The following THEM4 variants were observed in gnomAD, a reference collection of about 807,000 sequenced individuals.
THEM4 encodes acyl-coenzyme A thioesterase THEM4.
In THEM4, 22 loss-of-function variants were observed where a neutral mutation model predicts 25.0. That is an observed-to-expected ratio of 0.88 (90% CI 0.63 to 1.26). The LOEUF (loss-of-function observed/expected upper bound fraction) is 1.26, where lower values mean the gene tolerates loss of function less well. Among genes scored for constraint, THEM4 ranks in the 50% most tolerant of loss-of-function variants. The pLI, the probability that THEM4 is intolerant of heterozygous loss-of-function variation, is 0.00. For missense variants in THEM4, 286 were observed against 300.3 expected (o/e 0.95, Z 0.35); for synonymous variants, 113 against 105.6 (o/e 1.07, Z -0.43).
chr1:151,884,967 G>A (rs749817035), intron 4 of THEM4, among the ~76,000 whole-genome samples: 9 of 151,992 alleles, frequency 5.9e-5, no homozygotes, highest in East Asian at 3.9e-4. Context: ...GATTACAGGC[G>A]TGAGCCACCA....
chr1:151,888,894 G>GGA (rs1553300177), intron 3 of THEM4, among the ~76,000 whole-genome samples: 6 of 151,878 alleles, frequency 4.0e-5, no homozygotes, highest in African/African-American at 1.5e-4. Flanking sequence ...TGAAAAAAAA[G>GGA]AAAAAAATTT....
At chr1:151,894,932 G>A (rs1408919073) in intron 2 of THEM4, 76 bp downstream of exon 2, 1 of 1,439,566 alleles carries the variant, frequency 6.9e-7, no homozygotes. Context: ...TTTTCAGGTA[G>A]TAACTAGTAC....
rs200698202 is a variant in THEM4 at position 151,895,082 on chromosome 1, C to A, written c.212G>T (p.Gly71Val). ...ATATGAAGGCAAACGTTTCCAGGAGCCGTCTTCACATTTCTTCATAAACTG... is the reference window on the plus strand; with the variant it reads ...ATATGAAGGCAAACGTTTCCAGGAGACGTCTTCACATTTCTTCATAAACTG... ...FDQFMKKCEDGSWKRLPSYKR... is the reference protein window; with the variant it reads ...FDQFMKKCEDVSWKRLPSYKR... Residue 71 changes from glycine (G) to valine (V), a missense_variant, in exon 2 of 6, where the codon GGC (glycine) becomes GTC (valine). Transcript: ENST00000368814. 27 of 1,613,920 alleles carry A rather than the reference C, an allele frequency of 1.7e-5. No homozygotes were observed. The highest frequency in any genetic ancestry group is 1.9e-5 in the Non-Finnish European group (23 of 1,180,022).
chr1:151,884,629 CTATTCACTGAGG>C (rs1653922558), intron 4 of THEM4, among the ~76,000 whole-genome samples: 1 of 151,964 alleles, frequency 6.6e-6, no homozygotes, highest in South Asian at 2.1e-4. Context: ...GTCCTTTAAC[CTATTCACTGAGG>C]TATTTTTTTG....
chr1:151,890,113 TC>T (rs771503998), intron 2 of THEM4: 4 of 420,376 alleles, frequency 9.5e-6, no homozygotes, highest in African/African-American at 4.1e-5. Flanking sequence ...TCCGTGTTGG[TC>T]AGGCTGGTCT....
At chr1:151,888,741 T>C (rs1654022880) in intron 3 of THEM4, among the ~76,000 whole-genome samples, 1 of 152,088 alleles carries the variant, frequency 6.6e-6, no homozygotes, top group African/African-American at 2.4e-5. Flanking sequence ...GGTGAGAGGA[T>C]TGCTTGAGCC....
chr1:151,876,814 T>C (rs1653689839), intron 5 of THEM4, among the ~76,000 whole-genome samples, 187 bp downstream of exon 5: 1 of 152,096 alleles, frequency 6.6e-6, no homozygotes, highest in Non-Finnish European at 1.5e-5. Flanking sequence ...TTTAACTTGT[T>C]CTTTGTATGA....
chr1:151,874,172 T>C lies in THEM4; in HGVS notation c.*716A>G, dbSNP rs1468563179. ...ACCAAAAAAGATTCATGTGTTCAGA[T>C]ACAACAAAGCTAGCTTTCTAACTTA... On this transcript the variant is annotated 3_prime_UTR_variant, in exon 6 of 6. Coordinates refer to ENST00000368814, the MANE Select transcript of THEM4 (RefSeq NM_053055.5). The C allele has an allele frequency of 6.6e-6, 1 of 152,284 alleles. No homozygotes were observed. Among genetic ancestry groups the C allele is most frequent in the Admixed American group, 6.5e-5 (1 of 15,288 alleles). The allele number at this position is 152,284 out of a possible 1,614,324, so 9.4% of individuals were successfully genotyped here.
At chr1:151,908,069 A>C (rs1654512806) in intron 1 of THEM4, among the ~76,000 whole-genome samples, 1 of 152,234 alleles carries the variant, frequency 6.6e-6, no homozygotes, top group African/African-American at 2.4e-5. Flanking sequence ...TCTCTGGTGG[A>C]GGAACCATTT....
intron 2 of THEM4, among the ~76,000 whole-genome samples, chr1:151,893,141 T>C (rs1339769269): frequency 1.3e-5 from 2 of 151,802 alleles, no homozygotes; most frequent in Admixed American, 6.6e-5. Context: ...GAGGCCAAGG[T>C]GGGGCAGATC....
At chr1:151,878,186 T>C (rs1653730163) in intron 4 of THEM4, among the ~76,000 whole-genome samples, 1 of 152,204 alleles carries the variant, frequency 6.6e-6, no homozygotes, top group Non-Finnish European at 1.5e-5. Context: ...ATTCTCTTCA[T>C]ATCTCTCTCT....
intron 3 of THEM4, 102 bp downstream of exon 3, chr1:151,889,112 G>T: frequency 1.2e-6 from 1 of 830,340 alleles, no homozygotes; most frequent in Non-Finnish European, 1.9e-6. Flanking sequence ...ATACATCTAT[G>T]TGACCATTTG....
At chr1:151,899,253 G>A (rs1009123581) in intron 1 of THEM4, among the ~76,000 whole-genome samples, 5 of 152,196 alleles carry the variant, frequency 3.3e-5, no homozygotes, top group African/African-American at 1.2e-4. Context: ...AGCACTTTGC[G>A]AGGCCAAGGT....
chr1:151,908,381 G>A (rs1654521902), intron 1 of THEM4, among the ~76,000 whole-genome samples: 1 of 152,176 alleles, frequency 6.6e-6, no homozygotes, highest in African/African-American at 2.4e-5. Flanking sequence ...CCATTGCATA[G>A]CTTCGTTTAG....
intron 2 of THEM4, chr1:151,891,076 A>G (rs1229448289): frequency 6.6e-6 from 1 of 152,254 alleles, no homozygotes; most frequent in Non-Finnish European, 1.5e-5. Context: ...ACTACTCTCA[A>G]GAGGATGTGT....
intron 4 of THEM4, among the ~76,000 whole-genome samples, chr1:151,878,911 C>T (rs1653748154): frequency 6.6e-6 from 1 of 151,202 alleles, no homozygotes; most frequent in African/African-American, 2.4e-5. Context: ...CACACACACA[C>T]ACACACACAC....
At position 151,889,231 on chromosome 1, in the gene THEM4, G is replaced by A; in HGVS notation, c.429C>T (p.Tyr143=). The change falls in exon 3 of 6, where the codon TAC becomes TAT. Residue 143 remains tyrosine, a synonymous_variant. Transcript: ENST00000368814. The part of the protein sequence containing the change: ...RMVCLFQGGP[Y]LEGPPGFIHG... ...ATTCTTACCCAGGTGGTCCTTCCAGGTAAGGGCCTCCTTGAAATAAGCAAA... is the reference window on the plus strand; with the variant it reads ...ATTCTTACCCAGGTGGTCCTTCCAGATAAGGGCCTCCTTGAAATAAGCAAA... The A allele has an allele frequency of 6.2e-7, 1 of 1,612,644 alleles. No homozygotes were observed. Among genetic ancestry groups the A allele is most frequent in the South Asian group, 1.1e-5 (1 of 91,026 alleles).
At chr1:151,903,333 A>C (rs1036866590) in intron 1 of THEM4, among the ~76,000 whole-genome samples, 1 of 152,174 alleles carries the variant, frequency 6.6e-6, no homozygotes, top group East Asian at 1.9e-4. Context: ...AAACAAACAA[A>C]ATTTTAAAAA....
In THEM4 at chr1:151,874,924, T is replaced by C. The variant is rs1289804978; in HGVS notation, c.687A>G (p.Leu229=). Residue 229 remains leucine, a synonymous_variant, in exon 6 of 6, where the codon TTA becomes TTG. Coordinates refer to ENST00000368814, the MANE Select transcript of THEM4 (RefSeq NM_053055.5). ...EKTLYSEATS[L]FIKLNPAKSL... ...TTTTAGCAGGATTCAGCTTTATAAATAAGCCTAAACAAACAAAATAACAGC... is the reference window on the plus strand; with the variant it reads ...TTTTAGCAGGATTCAGCTTTATAAACAAGCCTAAACAAACAAAATAACAGC... The C allele has an allele frequency of 1.9e-6, 3 of 1,613,494 alleles. No homozygotes were observed. Among genetic ancestry groups the C allele is most frequent in the Admixed American group, 3.3e-5 (2 of 60,008 alleles).
Sources: gnomAD v4.1 joint callset for allele counts (sites outside exome capture counted in the v4.1 genomes callset) on GRCh38, gnomAD v4.1.1 for gene constraint, MANE v1.5 for transcripts, NCBI Gene and HGNC (gene_info 2026-07-23, HGNC 2026-07-21) for gene names.